Variants in PEX13 observed in about 807,000 individuals in gnomAD.
PEX13 encodes peroxisomal biogenesis factor 13, also known as peroxisome biogenesis factor 13.
In PEX13, 28 loss-of-function variants were observed where a neutral mutation model predicts 34.5. That is an observed-to-expected ratio of 0.81 (90% CI 0.60 to 1.11). The LOEUF (loss-of-function observed/expected upper bound fraction) is 1.11, where lower values mean the gene tolerates loss of function less well. Ranked by LOEUF, PEX13 falls within the 50% of genes most tolerant of loss-of-function variation. The pLI, the probability that PEX13 is intolerant of heterozygous loss-of-function variation, is 0.00. For missense variants in PEX13, 550 were observed against 491.0 expected (o/e 1.12, Z -1.13); for synonymous variants, 177 against 175.1 (o/e 1.01, Z -0.09).
In PEX13 at chr2:61,018,422, T is replaced by C. The variant is rs1476636029; in HGVS notation, c.92+571T>C. 5.4e-6 allele frequency: 6 copies of C among 1,112,914 alleles called. No individual in the cohort carries two copies. The South Asian group carries it at 9.1e-5, about 17-fold the overall frequency. 68.9% of individuals were successfully genotyped at this position (1,112,914 alleles called of 1,614,324 possible). A position where few individuals can be genotyped will look rare whatever the true frequency, so the allele number is the denominator to read the frequency against. ...AAGCAGGAGTTCTAGATCTGAGGCC[T>C]ATGGATGGACTTTGTGTGCAAAATA... On this transcript the variant is annotated intron_variant, in intron 1 of 3. Transcript: ENST00000295030.
chr2:61,017,923 G>T, intron 1 of PEX13, 72 bp downstream of exon 1: 2 of 1,448,806 alleles, frequency 1.4e-6, no homozygotes, highest in African/African-American at 1.4e-5. Context: ...CGGTTGTAGC[G>T]GTTGTTAGTG....
chr2:61,038,770 A>G (rs1430640994), intron 2 of PEX13, among the ~76,000 whole-genome samples: 1 of 152,248 alleles, frequency 6.6e-6, no homozygotes, highest in Non-Finnish European at 1.5e-5. Flanking sequence ...GTCAGGCAAG[A>G]GAAAGAAATA....
intron 1 of PEX13, among the ~76,000 whole-genome samples, chr2:61,028,531 C>T (rs1270005984): frequency 1.3e-5 from 2 of 151,912 alleles, no homozygotes; most frequent in East Asian, 3.9e-4. Flanking sequence ...GGACTACAGG[C>T]ACCCACCACC....
At chr2:61,041,193 G>T (rs907380668) in intron 2 of PEX13, among the ~76,000 whole-genome samples, 1 of 152,134 alleles carries the variant, frequency 6.6e-6, no homozygotes, top group Admixed American at 6.5e-5. Context: ...TCCGGGTGTG[G>T]TGGTGCATGC....
chr2:61,048,843 A>G lies in PEX13; in HGVS notation c.*73A>G, dbSNP rs986003844. 6 of 1,226,916 alleles carry G rather than the reference A, an allele frequency of 4.9e-6. No individual in the cohort carries two copies. Among genetic ancestry groups the G allele is most frequent in the Non-Finnish European group, 7.2e-6 (6 of 838,064 alleles). 76.0% of individuals were successfully genotyped at this position (1,226,916 alleles called of 1,614,324 possible). A position where few individuals can be genotyped will look rare whatever the true frequency, so the allele number is the denominator to read the frequency against. On this transcript the variant is annotated 3_prime_UTR_variant, in exon 4 of 4. Transcript: ENST00000295030. ...TAAAATTATTTCTCACAAAGAAATG[A>G]ATGTACAATCCAATGAAAACATTTG...
chr2:61,028,889 A>T (rs893190185), intron 1 of PEX13, among the ~76,000 whole-genome samples: 5 of 152,214 alleles, frequency 3.3e-5, no homozygotes, highest in African/African-American at 1.2e-4. Flanking sequence ...AAAAGCAGTG[A>T]TAAAAAGGCT....
chr2:61,044,551 T>C (rs547359407), intron 2 of PEX13, among the ~76,000 whole-genome samples: 1 of 152,264 alleles, frequency 6.6e-6, no homozygotes, highest in South Asian at 2.1e-4. Context: ...CATGCCCGGC[T>C]AATTTTGTAT....
At chr2:61,046,016 G>C (rs1260782915) in intron 3 of PEX13, among the ~76,000 whole-genome samples, 165 bp downstream of exon 3, 2 of 152,160 alleles carry the variant, frequency 1.3e-5, no homozygotes. Context: ...GGAGGAGTCA[G>C]GAAGAAATGC....
intron 1 of PEX13, among the ~76,000 whole-genome samples, chr2:61,028,843 T>G (rs1045953955): frequency 1.3e-5 from 2 of 152,244 alleles, no homozygotes; most frequent in African/African-American, 4.8e-5. Context: ...AAAAAATTTT[T>G]AAAGATATTT....
chr2:61,026,745 TC>T (rs1358952235), intron 1 of PEX13, among the ~76,000 whole-genome samples: 1 of 152,254 alleles, frequency 6.6e-6, no homozygotes, highest in African/African-American at 2.4e-5. Flanking sequence ...TTCATTTCTC[TC>T]TCTGATAATT....
intron 2 of PEX13, among the ~76,000 whole-genome samples, chr2:61,038,051 C>T (rs1680564103): frequency 6.6e-6 from 1 of 152,100 alleles, no homozygotes; most frequent in Non-Finnish European, 1.5e-5. Context: ...CAAGACTAAA[C>T]CAAGAAGAAG....
intron 1 of PEX13, among the ~76,000 whole-genome samples, chr2:61,020,716 G>A (rs1017225353): frequency 1.3e-5 from 2 of 151,994 alleles, no homozygotes; most frequent in Non-Finnish European, 2.9e-5. Context: ...GTGCAGAGAC[G>A]CAATCTTGGC....
chr2:61,044,748 T>A lies in PEX13; in HGVS notation c.788-978T>A, dbSNP rs556692974. 2.6e-5 allele frequency among the ~76,000 whole-genome samples: 4 copies of A among 152,338 alleles called. No homozygotes were observed. The East Asian group carries it at 7.7e-4, about 29-fold the overall frequency. ...GAACAGTGCTTATATGCAAAACTTATGCTGGAGTAAAGTTTTGACAACACC... is the reference window on the plus strand; with the variant it reads ...GAACAGTGCTTATATGCAAAACTTAAGCTGGAGTAAAGTTTTGACAACACC... On this transcript the variant is annotated intron_variant, in intron 2 of 3. Transcript: ENST00000295030.
At chr2:61,021,660 G>C (rs1390263595) in intron 1 of PEX13, among the ~76,000 whole-genome samples, 4 of 152,260 alleles carry the variant, frequency 2.6e-5, no homozygotes, top group African/African-American at 7.2e-5. Context: ...GCTCTGAAGA[G>C]AGCAGTGGTT....
At chr2:61,038,528 A>G (rs1573557034) in intron 2 of PEX13, among the ~76,000 whole-genome samples, 1 of 152,268 alleles carries the variant, frequency 6.6e-6, no homozygotes, top group South Asian at 2.1e-4. Flanking sequence ...CAATAGATGT[A>G]GAAAAGGCCT....
chr2:61,047,695 T>C (rs563663654), intron 3 of PEX13, among the ~76,000 whole-genome samples: 154 of 152,328 alleles, frequency 1.0e-3, no homozygotes, highest in African/African-American at 3.4e-3. Context: ...GAAAAGTATG[T>C]TTGGGCCTTT....
At chr2:61,019,577 C>T (rs1680209313) in intron 1 of PEX13, among the ~76,000 whole-genome samples, 1 of 152,140 alleles carries the variant, frequency 6.6e-6, no homozygotes, top group Non-Finnish European at 1.5e-5. Context: ...ATGGAACTGA[C>T]TTTGTATAAA....
intron 2 of PEX13, among the ~76,000 whole-genome samples, chr2:61,043,193 A>T (rs1680653624): frequency 6.6e-6 from 1 of 152,096 alleles, no homozygotes; most frequent in Non-Finnish European, 1.5e-5. Flanking sequence ...GTATTCTGTT[A>T]AAGTAGCATA....
In PEX13 at chr2:61,039,928, A is replaced by C. The variant is rs189989920; in HGVS notation, c.788-5798A>C. On this transcript the variant is annotated intron_variant, in intron 2 of 3. Transcript: ENST00000295030. ...AACAACCCCATCAAAAAGTAGGCAA[A>C]AGATATGAACAGATACTTCTCAAAA... Among the ~76,000 whole-genome samples the C allele has an allele frequency of 1.4e-4, 21 of 152,358 alleles. No homozygotes were observed. The East Asian group carries it at 3.9e-3, about 28-fold the overall frequency.
Sources: gnomAD v4.1 joint callset for allele counts (sites outside exome capture counted in the v4.1 genomes callset) on GRCh38, gnomAD v4.1.1 for gene constraint, MANE v1.5 for transcripts, NCBI Gene and HGNC (gene_info 2026-07-23, HGNC 2026-07-21) for gene names.